SNX13: variants seen among roughly 807,000 people sequenced by gnomAD.
SNX13 encodes sorting nexin-13.
In SNX13, 45 loss-of-function variants were observed where a neutral mutation model predicts 133.6. The ratio of observed to expected loss-of-function variants is 0.34; its 90% CI spans 0.27 to 0.43. The LOEUF is 0.43. SNX13 is among the 20% of genes least tolerant of loss of function. The pLI, the probability that SNX13 is intolerant of heterozygous loss-of-function variation, is 1.00. For missense variants in SNX13, 1,032 were observed against 1,145.1 expected, an observed-to-expected ratio of 0.90 and a Z score of 1.43; for synonymous variants, 414 against 373.9, an observed-to-expected ratio of 1.11 and a Z score of -1.24.
chr7:17,940,454 C>T lies in SNX13; in HGVS notation c.-159G>A. Reference sequence around the variant, plus strand: ...CTCGGCTTCGCTGGCCTCCCCTCGGCCCGGTCGCTCGCGACGGACGCGCCG... The same window carrying T: ...CTCGGCTTCGCTGGCCTCCCCTCGGTCCGGTCGCTCGCGACGGACGCGCCG... On this transcript the variant is annotated 5_prime_UTR_variant, in exon 1 of 26. Coordinates refer to ENST00000428135, the MANE Select transcript of SNX13 (RefSeq NM_015132.5). 2.5e-6 allele frequency: 2 copies of T among 805,054 alleles called. No homozygotes were observed. The highest frequency in any genetic ancestry group is 2.1e-6 in the Non-Finnish European group (1 of 477,834). 49.9% of individuals were successfully genotyped at this position (805,054 alleles called of 1,614,324 possible).
At chr7:17,802,449 A>G (rs542141651) in intron 21 of SNX13, among the ~76,000 whole-genome samples, 1 of 152,290 alleles carries the variant, frequency 6.6e-6, no homozygotes, top group African/African-American at 2.4e-5. Context: ...GTATTAGCTG[A>G]AAATCATTTG....
At chr7:17,913,650 C>CAGA (rs1799234839) in intron 1 of SNX13, among the ~76,000 whole-genome samples, 1 of 150,752 alleles carries the variant, frequency 6.6e-6, no homozygotes, top group Non-Finnish European at 1.5e-5. Flanking sequence ...TGAAAGCACC[C>CAGA]AGAAACAAAG....
At chr7:17,899,326 C>T (rs989585546) in intron 1 of SNX13, 1 of 152,042 alleles carries the variant, frequency 6.6e-6, no homozygotes, top group African/African-American at 2.4e-5. Context: ...CTATAACCTT[C>T]TTGTATTTTA....
At chr7:17,928,838 T>A (rs962235758) in intron 1 of SNX13, among the ~76,000 whole-genome samples, 4 of 152,136 alleles carry the variant, frequency 2.6e-5, no homozygotes, top group Non-Finnish European at 4.4e-5. Flanking sequence ...AGATTAATAG[T>A]GTTCATTTAA....
chr7:17,879,007 C>T (rs368303008), intron 5 of SNX13, among the ~76,000 whole-genome samples: 5 of 152,086 alleles, frequency 3.3e-5, no homozygotes, highest in African/African-American at 9.7e-5. Context: ...ATGTCAATTC[C>T]ACATGCCAAC....
chr7:17,855,885 T>C (rs1791819325), intron 9 of SNX13, among the ~76,000 whole-genome samples: 1 of 152,238 alleles, frequency 6.6e-6, no homozygotes, highest in African/African-American at 2.4e-5. Flanking sequence ...TTGCTCTAGA[T>C]AGTGATTCCT....
intron 20 of SNX13, among the ~76,000 whole-genome samples, chr7:17,811,190 T>C (rs967293153): frequency 1.6e-4 from 24 of 152,124 alleles, no homozygotes; most frequent in African/African-American, 5.3e-4. Flanking sequence ...GATATTCAAA[T>C]AGGAAGAGAG....
intron 20 of SNX13, among the ~76,000 whole-genome samples, chr7:17,805,821 GT>G (rs564040575): frequency 1.3e-3 from 193 of 151,582 alleles, no homozygotes; most frequent in African/African-American, 4.4e-3. Context: ...CCTTTTTTTT[GT>G]TTGTTTTCCC....
At chr7:17,904,113 G>C (rs1043373494) in intron 1 of SNX13, among the ~76,000 whole-genome samples, 2 of 152,138 alleles carry the variant, frequency 1.3e-5, no homozygotes, top group Admixed American at 6.5e-5. Context: ...TTTATCTGGT[G>C]ATATTTTCTG....
intron 24 of SNX13, 123 bp downstream of exon 24, chr7:17,798,567 T>C (rs1191215411): frequency 1.1e-5 from 7 of 658,398 alleles, no homozygotes; most frequent in Non-Finnish European, 1.8e-5. Context: ...GTCTTTTTGC[T>C]CATCAATGAT....
chr7:17,873,314 A>G (rs544823058), intron 8 of SNX13, among the ~76,000 whole-genome samples: 2 of 152,332 alleles, frequency 1.3e-5, no homozygotes, highest in African/African-American at 4.8e-5. Flanking sequence ...GTATCGAGCT[A>G]TTAGGTAATG....
Position 17,922,072 on chromosome 7 carries a change from T to C in SNX13, c.12+18212A>G, listed in dbSNP as rs115633850. Among the ~76,000 whole-genome samples, 749 of 152,322 alleles carry C rather than the reference T, an allele frequency of 4.9e-3. 3 individuals carry two copies. Among genetic ancestry groups the C allele is most frequent in the African/African-American group, 0.017 (714 of 41,578 alleles). On this transcript the variant is annotated intron_variant, in intron 1 of 25. Coordinates refer to ENST00000428135, the MANE Select transcript of SNX13 (RefSeq NM_015132.5). ...ACTTTCCTATCTAGATTGGACTCCA[T>C]GGTTCACCATTCCAACCATTCTCTA... is the stretch of plus-strand genomic sequence containing the variant.
At chr7:17,846,144 C>G (rs1239084680) in intron 11 of SNX13, among the ~76,000 whole-genome samples, 2 of 151,698 alleles carry the variant, frequency 1.3e-5, no homozygotes, top group African/African-American at 4.8e-5. Context: ...TCAGTAAAAT[C>G]TCTAATTATT....
rs1797948970 is a variant in SNX13, at chr7:17,902,545, T to C, written c.13-5099A>G. On this transcript the variant is annotated intron_variant, in intron 1 of 25. Transcript: ENST00000428135. ...AAATTAGGAAAAACATTTGATCTAA[T>C]GCCACATAAAAATAATTGGGTTCTA... 2.6e-5 allele frequency among the ~76,000 whole-genome samples: 4 copies of C among 152,164 alleles called. No individual in the cohort carries two copies. The South Asian group carries it at 8.3e-4, about 32-fold the overall frequency.
rs1163606766 is a variant in SNX13 at position 17,937,302 on chromosome 7, G to T, written c.12+2982C>A. ...TTCCATTTTAGCTTAATATAAAATG[G>T]TCCTTAATTGATCACTTGTGTGGCT... On this transcript the variant is annotated intron_variant, in intron 1 of 25. Coordinates refer to ENST00000428135, the MANE Select transcript of SNX13 (RefSeq NM_015132.5). Among the ~76,000 whole-genome samples, 3 of 151,878 alleles carry T rather than the reference G, an allele frequency of 2.0e-5. No individual in the cohort carries two copies. In the South Asian group the frequency reaches 6.2e-4, roughly 32 times the overall value.
intron 9 of SNX13, among the ~76,000 whole-genome samples, chr7:17,855,112 G>A (rs1215394920): frequency 6.6e-6 from 1 of 152,208 alleles, no homozygotes; most frequent in Admixed American, 6.5e-5. Flanking sequence ...AATCACACCA[G>A]ACACAACATT....
intron 20 of SNX13, among the ~76,000 whole-genome samples, chr7:17,805,265 G>GCGCGCACGCGCGCGCGCGCGCGCGCA (rs771908159): frequency 6.8e-6 from 1 of 146,004 alleles, no homozygotes; most frequent in African/African-American, 2.5e-5. Flanking sequence ...GCGCGCGCGC[G>GCGCGCACGCGCGCGCGCGCGCGCGCA]CATGCATGCA....
chr7:17,848,867 T>G (rs577466071), intron 11 of SNX13, among the ~76,000 whole-genome samples: 1 of 152,344 alleles, frequency 6.6e-6, no homozygotes, highest in South Asian at 2.1e-4. Context: ...GGAAGTACCC[T>G]GCTTCAATAT....
intron 1 of SNX13, among the ~76,000 whole-genome samples, chr7:17,916,409 A>G (rs917350437): frequency 6.6e-6 from 1 of 152,198 alleles, no homozygotes; most frequent in East Asian, 1.9e-4. Context: ...CTGACGGATC[A>G]TTAGCTAGCT....
Sources: gnomAD v4.1 joint callset for allele counts (sites outside exome capture counted in the v4.1 genomes callset) on GRCh38, gnomAD v4.1.1 for gene constraint, MANE v1.5 for transcripts, NCBI Gene and HGNC (gene_info 2026-07-23, HGNC 2026-07-21) for gene names.